Variants in FBXL17 observed in about 807,000 individuals in gnomAD.
FBXL17 encodes the protein F-box and leucine rich repeat protein 17, also known as F-box/LRR-repeat protein 17.
In FBXL17, 22 loss-of-function variants were observed where a neutral mutation model predicts 66.2. That is an observed-to-expected ratio of 0.33 (90% CI 0.24 to 0.47). FBXL17 has a LOEUF of 0.47. FBXL17 is among the 20% of genes least tolerant of loss of function. The pLI, the probability that FBXL17 is intolerant of heterozygous loss-of-function variation, is 1.00. For synonymous variants in FBXL17, 474 were observed against 400.5 expected, an observed-to-expected ratio of 1.18 and a Z score of -2.19; for missense variants, 878 against 948.2, an observed-to-expected ratio of 0.93 and a Z score of 0.97.
intron 8 of FBXL17, among the ~76,000 whole-genome samples, chr5:107,863,364 G>T (rs945097223): frequency 6.6e-6 from 1 of 151,136 alleles, no homozygotes; most frequent in African/African-American, 2.4e-5. Context: ...GTTCCTTCTG[G>T]TCTTGGGATC....
At chr5:108,258,305 C>A (rs1756663508) in intron 4 of FBXL17, among the ~76,000 whole-genome samples, 1 of 152,136 alleles carries the variant, frequency 6.6e-6, no homozygotes, top group South Asian at 2.1e-4. Context: ...TGATCTTGGA[C>A]TTTTTATCCT....
intron 4 of FBXL17, among the ~76,000 whole-genome samples, chr5:108,247,266 C>A (rs1756144684): frequency 6.6e-6 from 1 of 151,188 alleles, no homozygotes; most frequent in African/African-American, 2.4e-5. Context: ...ATAGAGGATA[C>A]AAAAGGAGAG....
At chr5:108,188,281 C>T (rs577027080) in intron 5 of FBXL17, among the ~76,000 whole-genome samples, 97 of 152,186 alleles carry the variant, frequency 6.4e-4, no homozygotes, top group African/African-American at 2.0e-3. Context: ...GAGATAGCTG[C>T]GACAGATAAA....
At chr5:108,216,265 T>A (rs1029232927) in intron 5 of FBXL17, among the ~76,000 whole-genome samples, 3 of 152,180 alleles carry the variant, frequency 2.0e-5, no homozygotes, top group African/African-American at 7.2e-5. Context: ...ATTGACTCTA[T>A]AAAGTGCTTT....
intron 6 of FBXL17, among the ~76,000 whole-genome samples, chr5:108,104,297 A>G (rs939454371): frequency 1.3e-5 from 2 of 152,222 alleles, no homozygotes; most frequent in Non-Finnish European, 2.9e-5. Context: ...TTGGCCTCCC[A>G]AAGTGCTGGG....
At chr5:108,055,857 GA>G (rs1445612906) in intron 6 of FBXL17, among the ~76,000 whole-genome samples, 5 of 150,814 alleles carry the variant, frequency 3.3e-5, no homozygotes, top group African/African-American at 1.2e-4. Context: ...AAAGAAAAAA[GA>G]AAAAAAAGTC....
Position 108,270,506 on chromosome 5 carries a change from T to C in FBXL17, c.1507-46278A>G, listed in dbSNP as rs1345939986. Among the ~76,000 whole-genome samples, 44 of 149,892 alleles carry C rather than the reference T, an allele frequency of 2.9e-4. 1 individual carries two copies. Among genetic ancestry groups the C allele is most frequent in the Admixed American group, 2.9e-3 (43 of 15,016 alleles). On this transcript the variant is annotated intron_variant, in intron 4 of 8. Coordinates refer to ENST00000542267, the MANE Select transcript of FBXL17 (RefSeq NM_001163315.3). ...TAAATCACATATTTAGCAACAATTG[T>C]AATGAAAAGGAGGTGACTCTTAGGT...
At chr5:108,340,649 C>A (rs2112427673) in intron 4 of FBXL17, among the ~76,000 whole-genome samples, 1 of 152,214 alleles carries the variant, frequency 6.6e-6, no homozygotes, top group African/African-American at 2.4e-5. Context: ...TAGGTCAAAA[C>A]AATTTACTTA....
intron 4 of FBXL17, among the ~76,000 whole-genome samples, chr5:108,320,278 T>TA (rs999948750): frequency 2.6e-5 from 4 of 151,734 alleles, no homozygotes; most frequent in African/African-American, 9.6e-5. Context: ...GGTATAGCTA[T>TA]AAAAAAATAA....
At chr5:108,067,558 T>C (rs1044640494) in intron 6 of FBXL17, among the ~76,000 whole-genome samples, 1 of 152,194 alleles carries the variant, frequency 6.6e-6, no homozygotes, top group African/African-American at 2.4e-5. Context: ...TTCTAAGGCT[T>C]GAGAGATGTC....
chr5:108,086,296 G>A (rs1300557642), intron 6 of FBXL17, among the ~76,000 whole-genome samples: 2 of 152,284 alleles, frequency 1.3e-5, no homozygotes, highest in Admixed American at 6.5e-5. Context: ...TACACAAAGA[G>A]GCCGGGAAAA....
At chr5:107,978,669 T>C (rs1309946056) in intron 7 of FBXL17, among the ~76,000 whole-genome samples, 2 of 152,208 alleles carry the variant, frequency 1.3e-5, no homozygotes, top group African/African-American at 4.8e-5. Context: ...TCCACATCCC[T>C]ATGATTTCAT....
intron 4 of FBXL17, among the ~76,000 whole-genome samples, chr5:108,329,492 C>T (rs1036881765): frequency 6.6e-6 from 1 of 152,046 alleles, no homozygotes; most frequent in African/African-American, 2.4e-5. Flanking sequence ...TGGACAATGT[C>T]CTTAACAATA....
At chr5:108,231,320 T>C (rs1404612076) in intron 4 of FBXL17, among the ~76,000 whole-genome samples, 1 of 152,190 alleles carries the variant, frequency 6.6e-6, no homozygotes, top group Non-Finnish European at 1.5e-5. Flanking sequence ...TATGCTCATA[T>C]ACAGTTAATC....
intron 4 of FBXL17, among the ~76,000 whole-genome samples, chr5:108,329,192 C>T (rs1025799495): frequency 9.2e-5 from 14 of 151,804 alleles, no homozygotes; most frequent in Non-Finnish European, 1.5e-4. Context: ...AGGAGAAACA[C>T]AAGTAGAAAT....
chr5:107,978,312 A>T (rs929112635), intron 7 of FBXL17, among the ~76,000 whole-genome samples: 6 of 151,554 alleles, frequency 4.0e-5, no homozygotes, highest in African/African-American at 1.5e-4. Context: ...GATGATAACA[A>T]TCCCTCCCTA....
intron 7 of FBXL17, among the ~76,000 whole-genome samples, chr5:107,957,977 G>C (rs1751728490): frequency 6.6e-6 from 1 of 152,132 alleles, no homozygotes; most frequent in Non-Finnish European, 1.5e-5. Flanking sequence ...ATTCTGTGCA[G>C]GGAGTGAGGC....
chr5:108,164,456 C>T (rs945344504), intron 6 of FBXL17, among the ~76,000 whole-genome samples: 3 of 152,136 alleles, frequency 2.0e-5, no homozygotes, highest in African/African-American at 7.2e-5. Context: ...CCTAATTATG[C>T]AACTTTCATT....
chr5:108,176,145 C>A (rs1752787091), intron 6 of FBXL17, among the ~76,000 whole-genome samples: 1 of 152,074 alleles, frequency 6.6e-6, no homozygotes, highest in Non-Finnish European at 1.5e-5. Context: ...TCATTGTTGG[C>A]AATTTTAAAA....
Sources: allele counts gnomAD v4.1 joint callset (sites outside exome capture counted in the v4.1 genomes callset), GRCh38; gene constraint gnomAD v4.1.1; transcripts MANE v1.5; gene names NCBI Gene and HGNC (gene_info 2026-07-23, HGNC 2026-07-21).